DEFB125: variants seen among roughly 807,000 people sequenced by gnomAD.
The protein encoded by DEFB125 is beta-defensin 125.
In DEFB125, 11 loss-of-function variants were observed where a neutral mutation model predicts 11.8. The observed-to-expected ratio is 0.94, with a 90% CI of 0.59 to 1.55. The LOEUF (loss-of-function observed/expected upper bound fraction) is 1.55. DEFB125 is among the 40% of genes most tolerant of loss of function. The probability of loss-of-function intolerance (pLI) is 0.00; values close to 1 mark genes in which losing one functional copy is unlikely to be tolerated. For synonymous variants in DEFB125, 79 were observed against 66.7 expected (o/e 1.18, Z -0.90); for missense variants, 198 against 191.2 (o/e 1.04, Z -0.21).
rs547011554 is a variant in DEFB125 at position 91,676 on chromosome 20, G to T, written c.58+3909G>T. On this transcript the variant is annotated intron_variant, in intron 1 of 1. Coordinates refer to ENST00000382410, the MANE Select transcript of DEFB125 (RefSeq NM_153325.4). ...TGGAGGGGATAATTTAAAAGCAGTAGGAAGGAATGTAAGTGAGAAACAATT... is the reference window on the plus strand; with the variant it reads ...TGGAGGGGATAATTTAAAAGCAGTATGAAGGAATGTAAGTGAGAAACAATT... Among the ~76,000 whole-genome samples, 313 of 152,234 alleles carry T rather than the reference G, an allele frequency of 2.1e-3. 2 individuals carry two copies. The highest frequency in any genetic ancestry group is 0.017 in the Middle Eastern group (5 of 294).
At chr20:87,914 A>G (rs1251383732) in intron 1 of DEFB125, 147 bp downstream of exon 1, 1 of 782,732 alleles carries the variant, frequency 1.3e-6, no homozygotes, top group Non-Finnish European at 2.2e-6. Flanking sequence ...TGGCAGCTCC[A>G]TGCCCCTAGT....
Position 96,108 on chromosome 20 carries a change from A to G in DEFB125, c.162A>G (p.Ser54=), listed in dbSNP as rs762285182. 1.1e-5 allele frequency: 18 copies of G among 1,614,066 alleles called. No homozygotes were observed. Among genetic ancestry groups the G allele is most frequent in the Admixed American group, 1.7e-5 (1 of 60,004 alleles). The change falls in exon 2 of 2, where the codon TCA becomes TCG. Residue 54 remains serine, a synonymous_variant. Coordinates refer to ENST00000382410, the MANE Select transcript of DEFB125 (RefSeq NM_153325.4). ...RYILLCRNKL[S]CCISIISHEY... ...TACTTCTTTGTAGGAACAAGCTATC[A>G]TGCTGCATTTCTATAATATCACATG... is the stretch of plus-strand genomic sequence containing the variant.
chr20:93,532 T>C (rs1181893614), intron 1 of DEFB125, among the ~76,000 whole-genome samples: 1 of 152,212 alleles, frequency 6.6e-6, no homozygotes, highest in Non-Finnish European at 1.5e-5. Context: ...GTTACCTTCA[T>C]ACTACTAAAA....
chr20:93,519 G>C (rs1484072639), intron 1 of DEFB125, among the ~76,000 whole-genome samples: 2 of 152,014 alleles, frequency 1.3e-5, no homozygotes, highest in Non-Finnish European at 2.9e-5. Context: ...TCCTCAGTAT[G>C]AAGTTACCTT....
intron 1 of DEFB125, among the ~76,000 whole-genome samples, chr20:89,027 TAC>T (rs374816027): frequency 2.6e-5 from 4 of 152,306 alleles, no homozygotes; most frequent in South Asian, 2.1e-4. Context: ...CATTCAGTTT[TAC>T]AGTCTAATAT....
At chr20:90,718 T>C (rs1053830808) in intron 1 of DEFB125, among the ~76,000 whole-genome samples, 2 of 152,190 alleles carry the variant, frequency 1.3e-5, no homozygotes, top group Non-Finnish European at 2.9e-5. Flanking sequence ...CATCTCCTAC[T>C]ATTATAGTCC....
In DEFB125 at chr20:96,255, C is replaced by T. The variant is rs925218716; in HGVS notation, c.309C>T (p.Asp103=). 5.0e-6 allele frequency: 8 copies of T among 1,613,988 alleles called. No individual in the cohort carries two copies. In the Admixed American group the frequency reaches 8.3e-5, roughly 17 times the overall value. The change falls in exon 2 of 2, where the codon GAC becomes GAT. Residue 103 remains aspartate, a synonymous_variant. Coordinates refer to ENST00000382410, the MANE Select transcript of DEFB125 (RefSeq NM_153325.4). ...TGTTGAATGATCTGATAACATTTGACACAACTAAATTTGGAGAAACCATGA... is the reference window on the plus strand; with the variant it reads ...TGTTGAATGATCTGATAACATTTGATACAACTAAATTTGGAGAAACCATGA... ...VSMLNDLITF[D]TTKFGETMTP...
chr20:89,899 C>T (rs1489084366), intron 1 of DEFB125, among the ~76,000 whole-genome samples: 2 of 151,926 alleles, frequency 1.3e-5, no homozygotes, highest in African/African-American at 4.8e-5. Context: ...TAGAGATTTT[C>T]ATTTTTGTGT....
chr20:93,147 T>C (rs1316449395), intron 1 of DEFB125, among the ~76,000 whole-genome samples: 3 of 151,898 alleles, frequency 2.0e-5, no homozygotes, highest in African/African-American at 7.3e-5. Flanking sequence ...ATTTTTGTAT[T>C]TTTTAGTAGA....
Position 96,369 on chromosome 20 carries a change from T to G in DEFB125, c.423T>G (p.Thr141=). 1 of 1,614,040 alleles carries G rather than the reference T, an allele frequency of 6.2e-7. No homozygotes were observed. The highest frequency in any genetic ancestry group is 1.1e-5 in the South Asian group (1 of 91,066). Residue 141 remains threonine, a synonymous_variant, in exon 2 of 2, where the codon ACT becomes ACG. Transcript: ENST00000382410. ...CTATGCCACCATCTGAGACTGCTACTTCCGAGACTATGCCACCACCTTCTC... is the reference window on the plus strand; with the variant it reads ...CTATGCCACCATCTGAGACTGCTACGTCCGAGACTATGCCACCACCTTCTC... ...ETTMPPSETA[T]SETMPPPSQT...
intron 1 of DEFB125, among the ~76,000 whole-genome samples, chr20:91,307 T>C (rs879644900): frequency 2.0e-5 from 3 of 152,222 alleles, no homozygotes; most frequent in South Asian, 2.1e-4. Context: ...CACAAGCTTT[T>C]TAGTTTGATG....
intron 1 of DEFB125, among the ~76,000 whole-genome samples, chr20:95,405 AC>A (rs2054511256): frequency 6.6e-6 from 1 of 152,196 alleles, no homozygotes; most frequent in Admixed American, 6.5e-5. Flanking sequence ...CATATGTCGA[AC>A]CAACCTTGCA....
intron 1 of DEFB125, among the ~76,000 whole-genome samples, chr20:88,491 G>A (rs1600133375): frequency 6.6e-6 from 1 of 152,290 alleles, no homozygotes; most frequent in African/African-American, 2.4e-5. Context: ...ATGTTTGTCT[G>A]TCCAAGAATA....
Position 95,985 on chromosome 20 carries a change from C to A in DEFB125, c.59-20C>A. On this transcript the variant is annotated intron_variant, in intron 1 of 1. Coordinates refer to ENST00000382410, the MANE Select transcript of DEFB125 (RefSeq NM_153325.4). ...TTGATGCCAGAGTTAAAAATTTGAC[C>A]TATATTTTATTCTCTACAGGTAGCT... 6.5e-7 allele frequency: 1 copy of A among 1,538,466 alleles called. No individual in the cohort carries two copies. Among genetic ancestry groups the A allele is most frequent in the South Asian group, 1.3e-5 (1 of 78,522 alleles).
At position 90,868 on chromosome 20, in the gene DEFB125, T is replaced by G. The variant is rs74812991; in HGVS notation, c.58+3101T>G. On this transcript the variant is annotated intron_variant, in intron 1 of 1. Transcript: ENST00000382410. ...TACTGGTGTGACTAATTCCTTTACC[T>G]CCTTCAAGCTGTTTAATCATCACCT... Among the ~76,000 whole-genome samples, 467 of 152,316 alleles carry G rather than the reference T, an allele frequency of 3.1e-3. 11 individuals are homozygous for G. The East Asian group carries it at 0.072, about 23-fold the overall frequency.
At chr20:94,169 C>A (rs947055102) in intron 1 of DEFB125, among the ~76,000 whole-genome samples, 1 of 151,856 alleles carries the variant, frequency 6.6e-6, no homozygotes, top group South Asian at 2.1e-4. Context: ...TTAGAAGATG[C>A]AGAGTGATAT....
At chr20:94,589 T>C (rs190272999) in intron 1 of DEFB125, among the ~76,000 whole-genome samples, 58 of 152,310 alleles carry the variant, frequency 3.8e-4, no homozygotes, top group Admixed American at 1.1e-3. Flanking sequence ...GCTCAGGTGG[T>C]GATGCTTGCA....
At chr20:91,275 G>C (rs1026219645) in intron 1 of DEFB125, among the ~76,000 whole-genome samples, 1 of 152,138 alleles carries the variant, frequency 6.6e-6, no homozygotes, top group Non-Finnish European at 1.5e-5. Flanking sequence ...TCTTCACTTT[G>C]TTGATTATTT....
At chr20:90,438 C>T (rs6040382) in intron 1 of DEFB125, among the ~76,000 whole-genome samples, 6,139 of 152,258 alleles carry the variant, frequency 0.04, 372 homozygotes, top group African/African-American at 0.13. Flanking sequence ...ATTATTCTCG[C>T]CACCTCCATT....
Sources: gnomAD v4.1 joint callset for allele counts (sites outside exome capture counted in the v4.1 genomes callset) on GRCh38, gnomAD v4.1.1 for gene constraint, MANE v1.5 for transcripts, NCBI Gene and HGNC (gene_info 2026-07-23, HGNC 2026-07-21) for gene names.